The following ACER3 variants were observed in gnomAD, a reference collection of about 807,000 sequenced individuals.
ACER3 encodes the protein alkCDase 3.
In ACER3, 16 loss-of-function variants were observed where a neutral mutation model predicts 48.9. That is an observed-to-expected ratio of 0.33 (90% confidence interval 0.22 to 0.50). The LOEUF (loss-of-function observed/expected upper bound fraction) is 0.50. ACER3 is among the 20% of genes least tolerant of loss of function. ACER3 has a pLI of 0.98. For missense variants in ACER3, 227 were observed against 326.0 expected, an observed-to-expected ratio of 0.70 and a Z score of 2.34; for synonymous variants, 109 against 107.8, an observed-to-expected ratio of 1.01 and a Z score of -0.07.
chr11:76,936,585 A>G (rs1308643866), intron 2 of ACER3, among the ~76,000 whole-genome samples: 2 of 152,276 alleles, frequency 1.3e-5, no homozygotes, highest in Admixed American at 1.3e-4. Context: ...TTTACGTTGT[A>G]TTAAAAAATA....
intron 1 of ACER3, among the ~76,000 whole-genome samples, chr11:76,884,328 C>T (rs1400916077): frequency 6.6e-6 from 1 of 152,128 alleles, no homozygotes; most frequent in Admixed American, 6.5e-5. Context: ...TCAGAGATCA[C>T]ATTGCTCTGC....
intron 6 of ACER3, chr11:76,994,029 T>C (rs1381253258): frequency 2.6e-6 from 1 of 382,884 alleles, no homozygotes; most frequent in African/African-American, 2.1e-5. Context: ...CACCCAGGGA[T>C]TTGTGGTAGT....
intron 7 of ACER3, chr11:77,011,281 T>A: frequency 6.6e-5 from 64 of 973,326 alleles, no homozygotes; most frequent in Non-Finnish European, 7.8e-5. Flanking sequence ...TGCTCTCCCC[T>A]TCCCGCCCTG....
At position 76,872,044 on chromosome 11, in the gene ACER3, A is replaced by G. The variant is rs540173150; in HGVS notation, c.103+10965A>G. On this transcript the variant is annotated intron_variant, in intron 1 of 10. Transcript: ENST00000532485. ...CTCTCCCCACCCACCACCCCCATTC[A>G]TCCCCCAACTTTACCCCCCAAACCC... is the stretch of plus-strand genomic sequence containing the variant. Among the ~76,000 whole-genome samples, 30 of 46,722 alleles carry G rather than the reference A, an allele frequency of 6.4e-4. No homozygotes were observed. The East Asian group carries it at 0.016, about 24-fold the overall frequency. 30.7% of individuals were successfully genotyped at this position (46,722 alleles called of 152,430 possible). A position where few individuals can be genotyped will look rare whatever the true frequency, so the allele number is the denominator to read the frequency against.
At chr11:76,997,408 A>T (rs1373892365) in intron 6 of ACER3, among the ~76,000 whole-genome samples, 1 of 152,178 alleles carries the variant, frequency 6.6e-6, no homozygotes, top group Non-Finnish European at 1.5e-5. Flanking sequence ...TGCTGTGAGT[A>T]TAGGGATTAT....
At chr11:76,980,176 A>C (rs903839581) in intron 4 of ACER3, among the ~76,000 whole-genome samples, 2 of 152,098 alleles carry the variant, frequency 1.3e-5, no homozygotes, top group Admixed American at 6.5e-5. Context: ...ACAAAAAAAA[A>C]CAGGCTCAGG....
intron 1 of ACER3, among the ~76,000 whole-genome samples, chr11:76,916,285 C>T (rs569040757): frequency 6.6e-6 from 1 of 152,248 alleles, no homozygotes; most frequent in African/African-American, 2.4e-5. Flanking sequence ...AATACCTGTA[C>T]TCTTGAAAAT....
intron 1 of ACER3, among the ~76,000 whole-genome samples, chr11:76,863,370 T>G (rs537640373): frequency 2.6e-5 from 4 of 152,192 alleles, no homozygotes; most frequent in African/African-American, 9.7e-5. Flanking sequence ...GAGGAAACTC[T>G]GAGCAGACTG....
intron 5 of ACER3, 21 bp from the exon 6 acceptor site, chr11:76,990,518 G>GT (rs1948777897): frequency 2.0e-6 from 3 of 1,483,086 alleles, no homozygotes; most frequent in East Asian, 2.3e-5. Context: ...ATTCACATGT[G>GT]TTTTTTCTAA....
chr11:76,898,389 T>C (rs1322293426), intron 1 of ACER3, among the ~76,000 whole-genome samples: 1 of 152,178 alleles, frequency 6.6e-6, no homozygotes, highest in Non-Finnish European at 1.5e-5. Context: ...TGTTTGTTTT[T>C]TGAGACAGGG....
At chr11:76,949,758 G>T (rs1947587386) in intron 2 of ACER3, among the ~76,000 whole-genome samples, 1 of 152,132 alleles carries the variant, frequency 6.6e-6, no homozygotes, top group Non-Finnish European at 1.5e-5. Flanking sequence ...GTTCTATGGT[G>T]CTAAACTTCA....
At chr11:77,016,822 G>GT (rs112678860) in intron 9 of ACER3, 43 bp downstream of exon 9, 75,290 of 779,166 alleles carry the variant, frequency 0.097, 1 homozygote, top group East Asian at 0.13. Flanking sequence ...AGAGTTTGTT[G>GT]TTTTTTTTTT....
intron 1 of ACER3, among the ~76,000 whole-genome samples, chr11:76,878,442 G>A (rs1945440557): frequency 6.6e-6 from 1 of 151,990 alleles, no homozygotes; most frequent in African/African-American, 2.4e-5. Context: ...ACTGAAAAAA[G>A]TTAAATCTTT....
chr11:76,875,104 C>CTTTTTT (rs1403847569), intron 1 of ACER3, among the ~76,000 whole-genome samples: 67 of 50,382 alleles, frequency 1.3e-3, no homozygotes, highest in South Asian at 3.3e-3. Context: ...ATGAAAAGCA[C>CTTTTTT]TTCTTTTTTT....
intron 3 of ACER3, among the ~76,000 whole-genome samples, chr11:76,962,937 G>A (rs1948035230): frequency 6.6e-6 from 1 of 151,338 alleles, no homozygotes; most frequent in African/African-American, 2.5e-5. Flanking sequence ...TTAGGTAAAC[G>A]GTTAAGGCTG....
chr11:77,016,055 C>T (rs905006702), intron 8 of ACER3, among the ~76,000 whole-genome samples: 2 of 147,014 alleles, frequency 1.4e-5, no homozygotes, highest in South Asian at 4.2e-4. Context: ...TGCAGTGAGC[C>T]GAGATCGTGC....
At chr11:76,861,609 A>G (rs1944941816) in intron 1 of ACER3, among the ~76,000 whole-genome samples, 1 of 152,046 alleles carries the variant, frequency 6.6e-6, no homozygotes, top group Non-Finnish European at 1.5e-5. Context: ...GAACAGTTTC[A>G]CTAGTCTGAG....
rs142469431 is a variant in ACER3, at chr11:76,926,643, A to T, written c.190A>T (p.Ile64Phe). ...SVRDGLEKRY[I>F]ASYLALTVVG... ...TAGAGACGGTCTGGAAAAGCGGTAC[A>T]TTGCTTCTTATTTAGCACTCACAGG... The change falls in exon 2 of 11, where the codon ATT becomes TTT. Residue 64 changes from isoleucine to phenylalanine, a missense_variant. Transcript: ENST00000532485. The T allele has an allele frequency of 6.3e-7, 1 of 1,593,934 alleles. No homozygotes were observed. Among genetic ancestry groups the T allele is most frequent in the East Asian group, 2.2e-5 (1 of 44,726 alleles).
At chr11:76,864,114 G>A (rs1427141759) in intron 1 of ACER3, among the ~76,000 whole-genome samples, 7 of 152,194 alleles carry the variant, frequency 4.6e-5, no homozygotes, top group African/African-American at 1.7e-4. Flanking sequence ...ATTCAGATAT[G>A]GCAGTAGTTC....
Sources: gnomAD v4.1 joint callset for allele counts (sites outside exome capture counted in the v4.1 genomes callset) on GRCh38, gnomAD v4.1.1 for gene constraint, MANE v1.5 for transcripts, NCBI Gene and HGNC (gene_info 2026-07-23, HGNC 2026-07-21) for gene names.